The following CHRM5 variants were observed in gnomAD, a reference collection of about 807,000 sequenced individuals.
CHRM5 encodes the protein muscarinic acetylcholine receptor M5.
In CHRM5, 18 loss-of-function variants were observed where a neutral mutation model predicts 39.0. The observed-to-expected ratio is 0.46, with a 90% CI of 0.32 to 0.68. CHRM5 has a LOEUF of 0.68. CHRM5 is among the 30% of genes least tolerant of loss of function. CHRM5 has a pLI of 0.04. For synonymous variants in CHRM5, 241 were observed against 246.3 expected (o/e 0.98, Z 0.20); for missense variants, 515 against 651.1 (o/e 0.79, Z 2.28).
At chr15:34,034,609 C>A (rs77585204) in intron 1 of CHRM5, among the ~76,000 whole-genome samples, 15,722 of 151,882 alleles carry the variant, frequency 0.1, 1,032 homozygotes, top group East Asian at 0.33. Context: ...ACATGGTTTC[C>A]CAAAATTTTT....
chr15:34,008,036 A>G (rs1897439342), intron 1 of CHRM5, among the ~76,000 whole-genome samples: 1 of 152,168 alleles, frequency 6.6e-6, no homozygotes, highest in African/African-American at 2.4e-5. Context: ...TCCAAATAAG[A>G]TCACACTCAG....
At chr15:34,009,261 A>T (rs916729440) in intron 1 of CHRM5, among the ~76,000 whole-genome samples, 2 of 152,238 alleles carry the variant, frequency 1.3e-5, no homozygotes, top group Non-Finnish European at 2.9e-5. Context: ...ATACACTAAC[A>T]AAGTTCTTCA....
intron 1 of CHRM5, among the ~76,000 whole-genome samples, chr15:34,035,280 A>G (rs1220981936): frequency 6.6e-6 from 1 of 152,222 alleles, no homozygotes; most frequent in African/African-American, 2.4e-5. Flanking sequence ...AAGCTGCAAT[A>G]TAAACATGGA....
intron 1 of CHRM5, among the ~76,000 whole-genome samples, chr15:34,004,128 A>G (rs367773046): frequency 8.6e-4 from 131 of 152,342 alleles, no homozygotes; most frequent in African/African-American, 3.0e-3. Flanking sequence ...ACACACATAC[A>G]CAATGCTCCT....
chr15:34,033,411 C>T (rs1342328056), intron 1 of CHRM5, among the ~76,000 whole-genome samples: 1 of 151,212 alleles, frequency 6.6e-6, no homozygotes, highest in African/African-American at 2.4e-5. Context: ...GAGGCTGAGG[C>T]AGGAGAATTG....
Position 34,030,872 on chromosome 15 carries a change from C to T in CHRM5, c.-407-15668C>T, listed in dbSNP as rs538339376. Among the ~76,000 whole-genome samples the T allele has an allele frequency of 2.2e-4, 34 of 152,228 alleles. No homozygotes were observed. The South Asian group carries it at 6.8e-3, about 31-fold the overall frequency. ...GCCTTAAGCAGTCCTTCCACCTCACCCTCCCAAAGTGCTGGGATTACAGGT... is the reference window on the plus strand; with the variant it reads ...GCCTTAAGCAGTCCTTCCACCTCACTCTCCCAAAGTGCTGGGATTACAGGT... On this transcript the variant is annotated intron_variant, in intron 1 of 2. Coordinates refer to ENST00000383263, the MANE Select transcript of CHRM5 (RefSeq NM_012125.4).
intron 1 of CHRM5, chr15:34,039,209 C>T: frequency 2.2e-6 from 1 of 459,186 alleles, no homozygotes; most frequent in Non-Finnish European, 2.9e-6. Flanking sequence ...CGCAGCGGAG[C>T]GGGGCGGGGC....
chr15:34,002,474 C>CT (rs1358057516), intron 1 of CHRM5, among the ~76,000 whole-genome samples: 2 of 152,138 alleles, frequency 1.3e-5, no homozygotes, highest in Admixed American at 1.3e-4. Flanking sequence ...CATCACATCA[C>CT]TCAAGGTGCA....
At chr15:33,984,404 AG>A (rs1043043231) in intron 1 of CHRM5, among the ~76,000 whole-genome samples, 2 of 127,476 alleles carry the variant, frequency 1.6e-5, no homozygotes, top group South Asian at 2.7e-4. Context: ...GATTGATGGT[AG>A]GGTTTTTTTT....
At chr15:34,038,837 GCCTCCTCCT>G (rs1044396962) in intron 1 of CHRM5, 1 of 1,188,096 alleles carries the variant, frequency 8.4e-7, no homozygotes, top group Non-Finnish European at 1.0e-6. Flanking sequence ...CTCGCGGGGC[GCCTCCTCCT>G]CCTCGGCCTC....
rs1327024314 is a variant in CHRM5 at position 34,034,994 on chromosome 15, A to G, written c.-407-11546A>G. 1.3e-5 allele frequency among the ~76,000 whole-genome samples: 2 copies of G among 152,196 alleles called. 1 individual carries two copies. Among genetic ancestry groups the G allele is most frequent in the Non-Finnish European group, 2.9e-5 (2 of 68,034 alleles). The stretch of plus-strand genomic sequence containing the variant: ...CGGCTGGTGGCTACTCTGAGCAACA[A>G]TGAAGGAGCAAGTCCTTAGACACCT... On this transcript the variant is annotated intron_variant, in intron 1 of 2. Coordinates refer to ENST00000383263, the MANE Select transcript of CHRM5 (RefSeq NM_012125.4).
intron 1 of CHRM5, among the ~76,000 whole-genome samples, chr15:34,034,538 T>C (rs1461655949): frequency 6.6e-6 from 1 of 152,192 alleles, no homozygotes; most frequent in African/African-American, 2.4e-5. Flanking sequence ...GGAAATTTTA[T>C]ATTTTGAAAT....
intron 1 of CHRM5, among the ~76,000 whole-genome samples, chr15:33,978,730 C>T (rs1349617657): frequency 6.6e-6 from 1 of 151,882 alleles, no homozygotes; most frequent in African/African-American, 2.4e-5. Flanking sequence ...CGTCCCCAGG[C>T]ATTTGAGAAA....
chr15:33,969,996 C>T (rs1037306556), intron 1 of CHRM5, among the ~76,000 whole-genome samples: 10 of 151,984 alleles, frequency 6.6e-5, no homozygotes, highest in Non-Finnish European at 1.5e-4. Flanking sequence ...ATCCCAACCA[C>T]ATTGGTTTTC....
intron 1 of CHRM5, among the ~76,000 whole-genome samples, chr15:34,014,854 C>CTTTT (rs986980115): frequency 1.3e-5 from 2 of 152,156 alleles, no homozygotes. Flanking sequence ...CCAGACAAAA[C>CTTTT]TCCACTCTGA....
intron 1 of CHRM5, among the ~76,000 whole-genome samples, chr15:33,976,493 G>C (rs1054699714): frequency 1.3e-5 from 2 of 152,112 alleles, no homozygotes; most frequent in African/African-American, 4.8e-5. Context: ...TGCCATGCCC[G>C]CATCAGATTT....
intron 1 of CHRM5, among the ~76,000 whole-genome samples, chr15:34,003,955 A>T (rs2140631575): frequency 6.6e-6 from 1 of 152,302 alleles, no homozygotes; most frequent in African/African-American, 2.4e-5. Flanking sequence ...AGAGGAGACA[A>T]ATTACTGACA....
At chr15:33,988,431 G>C (rs1324179453) in intron 1 of CHRM5, among the ~76,000 whole-genome samples, 1 of 152,168 alleles carries the variant, frequency 6.6e-6, no homozygotes, top group East Asian at 1.9e-4. Flanking sequence ...GTATAGAATA[G>C]AGATAATGAA....
intron 2 of CHRM5, among the ~76,000 whole-genome samples, chr15:34,053,378 C>T (rs1051594372): frequency 6.7e-5 from 9 of 135,284 alleles, no homozygotes; most frequent in South Asian, 2.3e-4. Flanking sequence ...CAAGATAATC[C>T]GAAGGAAAAA....
Sources: allele counts gnomAD v4.1 joint callset (sites outside exome capture counted in the v4.1 genomes callset), GRCh38; gene constraint gnomAD v4.1.1; transcripts MANE v1.5; gene names NCBI Gene and HGNC (gene_info 2026-07-23, HGNC 2026-07-21).